The following WFS1 variants were observed in gnomAD, a reference collection of about 807,000 sequenced individuals.
WFS1 encodes the protein wolframin ER transmembrane glycoprotein.
Under a neutral mutation model 68.5 loss-of-function variants are expected in WFS1, and 90 were observed. That is an observed-to-expected ratio of 1.31 (90% CI 1.11 to 1.56). WFS1 has a LOEUF of 1.56. Ranked by LOEUF, WFS1 falls within the 40% of genes most tolerant of loss-of-function variation. The pLI is 0.00. For synonymous variants in WFS1, 860 were observed against 540.7 expected (o/e 1.59, Z -8.19); for missense variants, 1,767 against 1,232.6 (o/e 1.43, Z -6.49).
At chr4:6,285,781 C>T (rs938548324) in intron 2 of WFS1, among the ~76,000 whole-genome samples, 42 of 152,210 alleles carry the variant, frequency 2.8e-4, no homozygotes, top group African/African-American at 9.9e-4. Flanking sequence ...TCTGGGAAAG[C>T]CCTGGGTGAG....
rs376651857 is a variant in WFS1, at chr4:6,291,279, G to C, written c.543G>C (p.Leu181=). 2.5e-6 allele frequency: 4 copies of C among 1,613,364 alleles called. No individual in the cohort carries two copies. Among genetic ancestry groups the C allele is most frequent in the East Asian group, 2.2e-5 (1 of 44,852 alleles). ...AGAGGGCCGTGCGCAAGGCAGCCCT[G>C]GTCATGTACTGGAAGCTCAACCCCA... The part of the protein sequence containing the change: ...DLERAVRKAA[L]VMYWKLNPKK... The change falls in exon 5 of 8, where the codon CTG becomes CTC. Residue 181 remains leucine (L), a synonymous_variant. Coordinates refer to ENST00000226760, the MANE Select transcript of WFS1 (RefSeq NM_006005.3).
At position 6,295,120 on chromosome 4, in the gene WFS1, C is replaced by T; in HGVS notation, c.792C>T (p.Phe264=). The change falls in exon 7 of 8, where the codon TTC becomes TTT. Residue 264 remains phenylalanine (F), a synonymous_variant. Coordinates refer to ENST00000226760, the MANE Select transcript of WFS1 (RefSeq NM_006005.3). ...AGGGCGTCATCCCCAGCAGCCTGTT[C>T]CTGCAGGACGACGAAGATGATGACG... The part of the protein sequence containing the change: ...YAKGVIPSSL[F]LQDDEDDDEL... 6.2e-7 allele frequency: 1 copy of T among 1,613,366 alleles called. No homozygotes were observed. Among genetic ancestry groups the T allele is most frequent in the Non-Finnish European group, 8.5e-7 (1 of 1,180,036 alleles).
chr4:6,286,972 C>A, intron 2 of WFS1, 121 bp from the exon 3 acceptor site: 1 of 890,316 alleles, frequency 1.1e-6, no homozygotes, highest in Non-Finnish European at 1.8e-6. Context: ...GTACTCCTGG[C>A]CTGGATTTGA....
chr4:6,285,818 G>A (rs1032120322), intron 2 of WFS1, among the ~76,000 whole-genome samples: 1 of 152,246 alleles, frequency 6.6e-6, no homozygotes, highest in African/African-American at 2.4e-5. Flanking sequence ...GGTCCTCAGT[G>A]TGGTGTTACT....
rs571928866 is a variant in WFS1, at chr4:6,300,677, C to T, written c.882C>T (p.His294=). Reference sequence around the variant, plus strand: ...CCCAGGTGGTCAAGTACCCCCTGCACGCCATCATGGAGATCAAGGAGTACC... The same window carrying T: ...CCCAGGTGGTCAAGTACCCCCTGCATGCCATCATGGAGATCAAGGAGTACC... ...LRLKVVKYPL[H]AIMEIKEYLI... is the part of the protein sequence containing the mutation. The change falls in exon 8 of 8, where the codon CAC becomes CAT. Residue 294 remains histidine (H), a synonymous_variant. Coordinates refer to ENST00000226760, the MANE Select transcript of WFS1 (RefSeq NM_006005.3). 2.4e-5 allele frequency: 38 copies of T among 1,614,018 alleles called. No individual in the cohort carries two copies. Among genetic ancestry groups the T allele is most frequent in the South Asian group, 1.6e-4 (15 of 91,076 alleles).
chr4:6,288,794 T>G, intron 3 of WFS1, 193 bp from the exon 4 acceptor site: 11 of 749,932 alleles, frequency 1.5e-5, no homozygotes, highest in Non-Finnish European at 2.2e-5. Flanking sequence ...TTCCTCACCG[T>G]GTTTTGAGGA....
rs144900514 is a variant in WFS1, at chr4:6,302,422, A to G, written c.2627A>G (p.Lys876Arg). The change falls in exon 8 of 8, where the codon AAG becomes AGG. Residue 876 changes from lysine (K) to arginine (R), a missense_variant. Physicochemically the swap from Lys to Arg is conservative, Grantham distance 26. Transcript: ENST00000226760. ...DWRSTVHGAV[K>R]FAFDFFFFPF... ...CGCAGCACCGTGCATGGCGCCGTGA[A>G]GTTCGCCTTCGACTTCTTTTTCTTC... 3.1e-6 allele frequency: 5 copies of G among 1,613,112 alleles called. No homozygotes were observed. In the African/African-American group the frequency reaches 6.7e-5, roughly 22 times the overall value.
At chr4:6,298,722 C>A (rs1335468861) in intron 7 of WFS1, among the ~76,000 whole-genome samples, 1 of 152,256 alleles carries the variant, frequency 6.6e-6, no homozygotes, top group Non-Finnish European at 1.5e-5. Context: ...AAGACTCAGT[C>A]TTCTGGTTGT....
chr4:6,301,738 G>T lies in WFS1; in HGVS notation c.1943G>T (p.Trp648Leu), dbSNP rs150465110. ...CTCACGGCCATCGTGCTGTTCTGCT[G>T]GTTCTATGTGTACCGCTCAGAGGGC... ...VWLTAIVLFC[W>L]FYVYRSEGMK... Residue 648 changes from tryptophan (W) to leucine (L), a missense_variant, in exon 8 of 8, where the codon TGG becomes TTG. By Grantham distance (61) the Trp-to-Leu change is moderately conservative. Transcript: ENST00000226760. 8 of 1,613,846 alleles carry T rather than the reference G, an allele frequency of 5.0e-6. No individual in the cohort carries two copies. Among genetic ancestry groups the T allele is most frequent in the Non-Finnish European group, 6.8e-6 (8 of 1,180,046 alleles).
Position 6,279,496 on chromosome 4 carries a change from A to G in WFS1, c.232+1809A>G, listed in dbSNP as rs377266204. Among the ~76,000 whole-genome samples, 200 of 152,228 alleles carry G rather than the reference A, an allele frequency of 1.3e-3. 7 individuals are homozygous for G. The South Asian group carries it at 0.038, about 29-fold the overall frequency. On this transcript the variant is annotated intron_variant, in intron 2 of 7. Coordinates refer to ENST00000226760, the MANE Select transcript of WFS1 (RefSeq NM_006005.3). ...ACATACCGTGGAGCCTGTGCTCACT[A>G]TGGGCCTCAGGTCATCTGCGCCCAG...
intron 7 of WFS1, among the ~76,000 whole-genome samples, chr4:6,297,314 C>T (rs1307530607): frequency 1.3e-5 from 2 of 152,120 alleles, no homozygotes; most frequent in Non-Finnish European, 2.9e-5. Flanking sequence ...AGCTGTCCCA[C>T]CTTTTAGTAG....
chr4:6,280,796 C>T (rs1011470831), intron 2 of WFS1, among the ~76,000 whole-genome samples: 1 of 152,070 alleles, frequency 6.6e-6, no homozygotes, highest in Non-Finnish European at 1.5e-5. Flanking sequence ...AGCTCTCCTG[C>T]TGTCTCTGTC....
chr4:6,280,431 G>A (rs566292996), intron 2 of WFS1, among the ~76,000 whole-genome samples: 1 of 152,286 alleles, frequency 6.6e-6, no homozygotes, highest in Admixed American at 6.5e-5. Flanking sequence ...AGCTGGGCTT[G>A]TCACACCTGG....
At chr4:6,272,289 C>T (rs1237688072) in intron 1 of WFS1, among the ~76,000 whole-genome samples, 1 of 152,262 alleles carries the variant, frequency 6.6e-6, no homozygotes, top group Non-Finnish European at 1.5e-5. Flanking sequence ...TGCTGCCCAT[C>T]CAGGCCAGGC....
At chr4:6,298,497 A>G (rs1730708901) in intron 7 of WFS1, among the ~76,000 whole-genome samples, 1 of 149,896 alleles carries the variant, frequency 6.7e-6, no homozygotes, top group African/African-American at 2.4e-5. Context: ...GCTTGTTATA[A>G]AACAGAGATT....
In WFS1 at chr4:6,300,933, C is replaced by G. The variant is rs1730865807; in HGVS notation, c.1138C>G (p.Leu380Val). The G allele has an allele frequency of 6.2e-7, 1 of 1,614,106 alleles. No homozygotes were observed. The highest frequency in any genetic ancestry group is 1.3e-5 in the African/African-American group (1 of 74,944). ...GGAGAACTTCCGCACCCTCACCGAC[C>G]TGCTGCTGCGCTTCGAGCCCAACCT... is the stretch of plus-strand genomic sequence containing the variant. The part of the protein sequence containing the change: ...AWENFRTLTD[L>V]LLRFEPNLDV... The change falls in exon 8 of 8, where the codon CTG becomes GTG. Residue 380 changes from leucine (L) to valine (V), a missense_variant. Leu to Val is a conservative substitution (Grantham distance 32). Transcript: ENST00000226760.
In WFS1 at chr4:6,301,084, C is replaced by G. The variant is rs1235562712; in HGVS notation, c.1289C>G (p.Ser430Trp). The G allele has an allele frequency of 1.2e-6, 2 of 1,614,070 alleles. No individual in the cohort carries two copies. The highest frequency in any genetic ancestry group is 1.7e-6 in the Non-Finnish European group (2 of 1,180,024). Residue 430 changes from serine (S) to tryptophan (W), a missense_variant, in exon 8 of 8, where the codon TCG becomes TGG. By Grantham distance (177) the Ser-to-Trp change is radical. Coordinates refer to ENST00000226760, the MANE Select transcript of WFS1 (RefSeq NM_006005.3). ...GCCAGCAAGGACTGCATCCCCTGCT[C>G]GGAGCTGGCTGTCATCACCGGCTTC... is the stretch of plus-strand genomic sequence containing the variant. The part of the protein sequence containing the change: ...PIASKDCIPC[S>W]ELAVITGFFT...
At chr4:6,280,701 T>C (rs113207493) in intron 2 of WFS1, among the ~76,000 whole-genome samples, 13 of 131,010 alleles carry the variant, frequency 9.9e-5, no homozygotes, top group African/African-American at 3.9e-4. Context: ...CTGTGCTAAG[T>C]GTGTGCTAAG....
chr4:6,292,089 C>A, intron 6 of WFS1, 92 bp downstream of exon 6: 1 of 1,326,580 alleles, frequency 7.5e-7, no homozygotes, highest in Non-Finnish European at 1.1e-6. Context: ...TCCTGGCCTG[C>A]CCTATCTCAC....
Sources: allele counts gnomAD v4.1 joint callset (sites outside exome capture counted in the v4.1 genomes callset), GRCh38; gene constraint gnomAD v4.1.1; transcripts MANE v1.5; gene names NCBI Gene and HGNC (gene_info 2026-07-23, HGNC 2026-07-21).